The following PLXDC1 variants were observed in gnomAD, a reference collection of about 807,000 sequenced individuals.
The protein encoded by PLXDC1 is plexin domain-containing protein 1.
A neutral mutation model predicts 61.3 loss-of-function variants in PLXDC1; 39 were observed. The observed-to-expected ratio is 0.64, with a 90% CI of 0.49 to 0.83. PLXDC1 has a LOEUF of 0.83. Among genes scored for constraint, PLXDC1 ranks in the 40% least tolerant of loss-of-function variants. The pLI, the probability that PLXDC1 is intolerant of heterozygous loss-of-function variation, is 0.00. For synonymous variants in PLXDC1, 212 were observed against 254.5 expected, an observed-to-expected ratio of 0.83 and a Z score of 1.59; for missense variants, 596 against 666.5, an observed-to-expected ratio of 0.89 and a Z score of 1.17.
intron 7 of PLXDC1, among the ~76,000 whole-genome samples, chr17:39,100,820 CCA>C (rs1470176388): frequency 1.3e-5 from 2 of 152,224 alleles, no homozygotes; most frequent in African/African-American, 4.8e-5. Flanking sequence ...GTCCTGGAGC[CCA>C]GGCTGTAATA....
Position 39,067,636 on chromosome 17 carries a change from T to A in PLXDC1, c.*204A>T. ...GGATGAGATTAGGTTGTTGTTCCTA[T>A]AAAAAATCCATGTGGTTGTTTTTTG... On this transcript the variant is annotated 3_prime_UTR_variant, in exon 14 of 14. Coordinates refer to ENST00000315392, the MANE Select transcript of PLXDC1 (RefSeq NM_020405.5). 1 of 522,348 alleles carries A rather than the reference T, an allele frequency of 1.9e-6. No individual in the cohort carries two copies. The highest frequency in any genetic ancestry group is 3.4e-6 in the Non-Finnish European group (1 of 292,800). 32.4% of individuals were successfully genotyped at this position (522,348 alleles called of 1,614,324 possible). A position where few individuals can be genotyped will look rare whatever the true frequency, so the allele number is the denominator to read the frequency against.
chr17:39,122,237 T>C (rs917605332), intron 2 of PLXDC1, among the ~76,000 whole-genome samples: 3 of 151,482 alleles, frequency 2.0e-5, no homozygotes, highest in Non-Finnish European at 4.4e-5. Context: ...ACCCCGTCTC[T>C]ACTAAAAATA....
intron 2 of PLXDC1, among the ~76,000 whole-genome samples, chr17:39,129,124 C>T (rs1461900061): frequency 1.3e-5 from 2 of 151,190 alleles, no homozygotes; most frequent in Admixed American, 1.3e-4. Context: ...TCAAGACCGG[C>T]CTGGTCAACA....
chr17:39,101,082 C>T (rs1910403780), intron 7 of PLXDC1, among the ~76,000 whole-genome samples: 1 of 152,214 alleles, frequency 6.6e-6, no homozygotes, highest in Non-Finnish European at 1.5e-5. Context: ...GGAAGCCACA[C>T]ATTGGAGCTG....
In PLXDC1 at chr17:39,087,604, C is replaced by T. The variant is rs764262434; in HGVS notation, c.907+3G>A. On this transcript the variant is annotated splice_donor_region_variant and intron_variant, in intron 8 of 13. Coordinates refer to ENST00000315392, the MANE Select transcript of PLXDC1 (RefSeq NM_020405.5). ...CTGGGATGGCGGAATGACCCCTACT[C>T]ACTCGGCAATGGGGTGAACTCCACG... 1 of 1,610,876 alleles carries T rather than the reference C, an allele frequency of 6.2e-7. No homozygotes were observed. Among genetic ancestry groups the T allele is most frequent in the Non-Finnish European group, 8.5e-7 (1 of 1,177,082 alleles).
rs781744246 is a variant in PLXDC1, at chr17:39,087,707, A to G, written c.812-5T>C. On this transcript the variant is annotated splice_region_variant and splice_polypyrimidine_tract_variant and intron_variant, in intron 7 of 13. Transcript: ENST00000315392. ...AGATGCTCCTTCGCCGAGATTCTGA[A>G]ACAGAGGCAGAGCCTGTTGTCAGGA... The G allele has an allele frequency of 6.2e-7, 1 of 1,608,018 alleles. No homozygotes were observed. Among genetic ancestry groups the G allele is most frequent in the Non-Finnish European group, 8.5e-7 (1 of 1,175,068 alleles).
At chr17:39,127,826 C>T (rs575093664) in intron 2 of PLXDC1, among the ~76,000 whole-genome samples, 4 of 148,696 alleles carry the variant, frequency 2.7e-5, no homozygotes, top group South Asian at 2.2e-4. Context: ...ATGATGGTGG[C>T]GGGCGCCTGT....
At chr17:39,117,206 C>T (rs1910999869) in intron 2 of PLXDC1, among the ~76,000 whole-genome samples, 1 of 152,170 alleles carries the variant, frequency 6.6e-6, no homozygotes, top group Non-Finnish European at 1.5e-5. Flanking sequence ...GCAAGACAGG[C>T]ACAGCACACC....
chr17:39,134,159 CAGG>C (rs1911656212), intron 2 of PLXDC1, among the ~76,000 whole-genome samples: 1 of 150,988 alleles, frequency 6.6e-6, no homozygotes. Context: ...GAGGCTGAGG[CAGG>C]AGAATGGTGT....
intron 2 of PLXDC1, among the ~76,000 whole-genome samples, chr17:39,120,467 G>A (rs1165285876): frequency 6.6e-6 from 1 of 152,148 alleles, no homozygotes; most frequent in Non-Finnish European, 1.5e-5. Context: ...ATCAGATAAG[G>A]CATGAGATGA....
rs116464667 is a variant in PLXDC1, at chr17:39,096,439, T to C, written c.812-8737A>G. 4.6e-3 allele frequency among the ~76,000 whole-genome samples: 701 copies of C among 152,226 alleles called. 5 individuals carry two copies. Among genetic ancestry groups the C allele is most frequent in the African/African-American group, 0.016 (654 of 41,540 alleles). On this transcript the variant is annotated intron_variant, in intron 7 of 13. Coordinates refer to ENST00000315392, the MANE Select transcript of PLXDC1 (RefSeq NM_020405.5). ...GATCCTTTATCAGAAAAGGCAAAAT[T>C]GGCCAGATCCTCAGCTTCTCCCTGC...
chr17:39,080,977 C>T (rs1321046412), intron 9 of PLXDC1: 1 of 152,826 alleles, frequency 6.5e-6, no homozygotes, highest in Non-Finnish European at 1.5e-5. Flanking sequence ...CATGGCTCAG[C>T]GCTTGTGAAA....
chr17:39,144,209 C>G (rs1037364328), intron 1 of PLXDC1, among the ~76,000 whole-genome samples: 1 of 152,172 alleles, frequency 6.6e-6, no homozygotes. Flanking sequence ...TTGCCACTCA[C>G]AAGTTATGGG....
rs986975392 is a variant in PLXDC1, at chr17:39,139,704, C to T, written c.205G>A (p.Gly69Arg). 2.5e-6 allele frequency: 4 copies of T among 1,613,876 alleles called. No homozygotes were observed. Among genetic ancestry groups the T allele is most frequent in the South Asian group, 2.2e-5 (2 of 91,058 alleles). ...AGCGTGTCCATGGCCAGGGTGCCCC[C>T]ACCCAGGTCCTGGCTCAGCTGGGTC... ...DRTQLSQDLG[G>R]GTLAMDTLPD... The change falls in exon 2 of 14, where the codon GGG (glycine) becomes AGG (arginine). Residue 69 changes from glycine (G) to arginine (R), a missense_variant. By Grantham distance (125) the Gly-to-Arg change is moderately radical. Coordinates refer to ENST00000315392, the MANE Select transcript of PLXDC1 (RefSeq NM_020405.5).
At chr17:39,115,933 T>C (rs2338579) in intron 2 of PLXDC1, among the ~76,000 whole-genome samples, 53,756 of 151,836 alleles carry the variant, frequency 0.35, 9,998 homozygotes, top group Admixed American at 0.45. Context: ...CTGGCCAACA[T>C]GGTGAAACCC....
At chr17:39,087,567 C>T (rs1166025782) in intron 8 of PLXDC1, 40 bp downstream of exon 8, 17 of 1,491,406 alleles carry the variant, frequency 1.1e-5, no homozygotes, top group Non-Finnish European at 1.6e-5. Context: ...CTGCTTGACT[C>T]CAGAGCTCTT....
chr17:39,109,985 A>T (rs1389270765), intron 2 of PLXDC1, among the ~76,000 whole-genome samples: 1 of 152,142 alleles, frequency 6.6e-6, no homozygotes, highest in Non-Finnish European at 1.5e-5. Flanking sequence ...TTTACTAAAT[A>T]TACAAAAATT....
intron 6 of PLXDC1, among the ~76,000 whole-genome samples, chr17:39,106,973 T>C (rs1910616986): frequency 6.6e-6 from 1 of 152,136 alleles, no homozygotes; most frequent in Non-Finnish European, 1.5e-5. Flanking sequence ...CTTTCAGTGC[T>C]TTGTGCCAGC....
chr17:39,076,718 GGTTTT>G (rs1054658395), intron 11 of PLXDC1, among the ~76,000 whole-genome samples: 5 of 151,902 alleles, frequency 3.3e-5, no homozygotes, highest in African/African-American at 9.7e-5. Context: ...CTGGATGCAG[GGTTTT>G]GTTTTGTTTT....
Sources: gnomAD v4.1 joint callset for allele counts (sites outside exome capture counted in the v4.1 genomes callset) on GRCh38, gnomAD v4.1.1 for gene constraint, MANE v1.5 for transcripts, NCBI Gene and HGNC (gene_info 2026-07-23, HGNC 2026-07-21) for gene names.